The following CNTN5 variants were observed in gnomAD, a reference collection of about 807,000 sequenced individuals.
CNTN5 encodes contactin 5.
A neutral mutation model predicts 129.1 loss-of-function variants in CNTN5; 77 were observed. The observed-to-expected ratio is 0.60, with a 90% CI of 0.50 to 0.72. CNTN5 has a LOEUF of 0.72. CNTN5 is among the 30% of genes least tolerant of loss of function. CNTN5 has a pLI of 0.00. For synonymous variants in CNTN5, 509 were observed against 465.6 expected (o/e 1.09, Z -1.20); for missense variants, 1,478 against 1,328.8 (o/e 1.11, Z -1.75).
chr11:99,368,228 A>T, intron 2 of CNTN5, among the ~76,000 whole-genome samples: 1 of 131,676 alleles, frequency 7.6e-6, no homozygotes, highest in East Asian at 2.1e-4. Flanking sequence ...GAATAATTGT[A>T]AAAATTTAAT....
At chr11:99,391,771 C>T (rs1378249936) in intron 2 of CNTN5, among the ~76,000 whole-genome samples, 1 of 151,964 alleles carries the variant, frequency 6.6e-6, no homozygotes, top group Non-Finnish European at 1.5e-5. Context: ...TTGCTTTCTT[C>T]TGATCACATA....
At chr11:100,306,383 G>T (rs898694551) in intron 20 of CNTN5, among the ~76,000 whole-genome samples, 3 of 151,540 alleles carry the variant, frequency 2.0e-5, no homozygotes, top group African/African-American at 7.3e-5. Flanking sequence ...ATATGGAAAG[G>T]TTGCTACCCC....
chr11:99,062,974 G>T (rs1301059079), intron 1 of CNTN5, among the ~76,000 whole-genome samples: 1 of 152,024 alleles, frequency 6.6e-6, no homozygotes, highest in Non-Finnish European at 1.5e-5. Flanking sequence ...ATAAAAGAAA[G>T]AAAAGAATAA....
At chr11:99,448,690 G>A (rs528008074) in intron 2 of CNTN5, among the ~76,000 whole-genome samples, 16 of 151,024 alleles carry the variant, frequency 1.1e-4, no homozygotes, top group Admixed American at 7.2e-4. Context: ...GGAAATTGAG[G>A]CTCAAAAAGT....
chr11:99,183,754 T>A (rs1420333677), intron 1 of CNTN5, among the ~76,000 whole-genome samples: 3 of 152,126 alleles, frequency 2.0e-5, no homozygotes, highest in Admixed American at 6.6e-5. Context: ...AACTGGCTAG[T>A]CCAACCTAAC....
At chr11:99,498,608 A>G (rs1309500749) in intron 2 of CNTN5, among the ~76,000 whole-genome samples, 2 of 152,118 alleles carry the variant, frequency 1.3e-5, no homozygotes, top group African/African-American at 4.8e-5. Flanking sequence ...CGGAGTTTGA[A>G]TAAGTTTGGT....
In CNTN5 at chr11:100,328,242, C is replaced by T. The variant is rs187480663; in HGVS notation, c.2731-12221C>T. 5.6e-3 allele frequency among the ~76,000 whole-genome samples: 845 copies of T among 152,024 alleles called. 3 individuals are homozygous for T. Among genetic ancestry groups the T allele is most frequent in the Admixed American group, 0.013 (191 of 15,266 alleles). On this transcript the variant is annotated intron_variant, in intron 21 of 24. Transcript: ENST00000524871. ...GTGTTGGCGCACACCTGTAGTCCTACCTACTAGGGAGGCTGAGGTGGGAGG... is the reference window on the plus strand; with the variant it reads ...GTGTTGGCGCACACCTGTAGTCCTATCTACTAGGGAGGCTGAGGTGGGAGG...
At chr11:99,268,352 A>T (rs1021184853) in intron 1 of CNTN5, among the ~76,000 whole-genome samples, 1 of 151,922 alleles carries the variant, frequency 6.6e-6, no homozygotes, top group Non-Finnish European at 1.5e-5. Flanking sequence ...ACCATTTCCA[A>T]AGGTTAAATT....
intron 10 of CNTN5, among the ~76,000 whole-genome samples, chr11:100,070,116 C>T (rs1438808568): frequency 6.7e-6 from 1 of 148,710 alleles, no homozygotes; most frequent in Non-Finnish European, 1.5e-5. Context: ...ACCTGACTTC[C>T]TATTAAACTG....
intron 2 of CNTN5, among the ~76,000 whole-genome samples, chr11:99,477,997 C>T (rs1504728): frequency 0.79 from 119,646 of 151,000 alleles, 47,958 homozygotes; most frequent in Middle Eastern, 0.89. Flanking sequence ...TGATTTTTTT[C>T]TTTGCCTCAA....
intron 1 of CNTN5, among the ~76,000 whole-genome samples, chr11:99,125,412 G>A (rs1858576909): frequency 1.3e-5 from 2 of 151,482 alleles, no homozygotes; most frequent in South Asian, 4.2e-4. Context: ...ATCCCTGCAT[G>A]TTAAAAACCC....
intron 1 of CNTN5, among the ~76,000 whole-genome samples, chr11:99,235,617 G>T (rs558707124): frequency 4.6e-5 from 7 of 152,214 alleles, no homozygotes; most frequent in Admixed American, 4.6e-4. Context: ...TCTTATAGCA[G>T]TCATCAATAT....
chr11:99,537,990 C>T lies in CNTN5; in HGVS notation c.-70-18155C>T, dbSNP rs75527169. ...AAGTGTGGAACTGCCCTTAGAGACT[C>T]TGAGAATTCAGTCCTCTAATTGGTG... On this transcript the variant is annotated intron_variant, in intron 2 of 24. Transcript: ENST00000524871. Among the ~76,000 whole-genome samples the T allele has an allele frequency of 4.6e-3, 703 of 152,228 alleles. 23 individuals are homozygous for T. The East Asian group carries it at 0.093, about 20-fold the overall frequency.
intron 16 of CNTN5, among the ~76,000 whole-genome samples, chr11:100,236,789 C>A (rs1949623445): frequency 6.6e-6 from 1 of 152,118 alleles, no homozygotes; most frequent in Admixed American, 6.5e-5. Flanking sequence ...TATAGTTTCT[C>A]TCACCTCTCT....
At chr11:100,320,153 G>A (rs552192532) in intron 21 of CNTN5, among the ~76,000 whole-genome samples, 117 of 152,072 alleles carry the variant, frequency 7.7e-4, no homozygotes, top group Non-Finnish European at 1.5e-3. Context: ...AATAATGGTG[G>A]TACCAATTTA....
intron 3 of CNTN5, among the ~76,000 whole-genome samples, chr11:99,806,402 A>G (rs1337910603): frequency 1.3e-5 from 2 of 152,218 alleles, no homozygotes; most frequent in South Asian, 4.1e-4. Context: ...CATGGAAGAA[A>G]GTAAATATAT....
At chr11:99,374,662 C>T (rs746425052) in intron 2 of CNTN5, among the ~76,000 whole-genome samples, 2 of 151,320 alleles carry the variant, frequency 1.3e-5, no homozygotes, top group African/African-American at 4.9e-5. Flanking sequence ...CCAGCCTGGG[C>T]GACAGAGTGA....
chr11:100,339,481 C>T (rs1301531530), intron 21 of CNTN5, among the ~76,000 whole-genome samples: 2 of 151,856 alleles, frequency 1.3e-5, no homozygotes, highest in Non-Finnish European at 2.9e-5. Context: ...CTGCACAGGA[C>T]GGTGGGGGTG....
chr11:99,701,029 T>C (rs1001739138), intron 3 of CNTN5, among the ~76,000 whole-genome samples: 7 of 151,332 alleles, frequency 4.6e-5, no homozygotes, highest in South Asian at 2.1e-4. Context: ...AAGTGAAATA[T>C]CTATTTAAGG....
Sources: gnomAD v4.1 joint callset for allele counts (sites outside exome capture counted in the v4.1 genomes callset) on GRCh38, gnomAD v4.1.1 for gene constraint, MANE v1.5 for transcripts, NCBI Gene and HGNC (gene_info 2026-07-23, HGNC 2026-07-21) for gene names.